The following CFHR5 variants were observed in gnomAD, a reference collection of about 807,000 sequenced individuals.
The protein encoded by CFHR5 is complement factor H-related protein 5.
A neutral mutation model predicts 62.9 loss-of-function variants in CFHR5; 73 were observed. The ratio of observed to expected loss-of-function variants is 1.16; its 90% CI spans 0.96 to 1.41. CFHR5 has a LOEUF of 1.41. CFHR5 is among the 40% of genes most tolerant of loss of function. The pLI, the probability that CFHR5 is intolerant of heterozygous loss-of-function variation, is 0.00. For missense variants in CFHR5, 779 were observed against 679.9 expected (o/e 1.15, Z -1.62); for synonymous variants, 249 against 227.2 (o/e 1.10, Z -0.86).
upstream of CFHR5, among the ~76,000 whole-genome samples, chr1:196,976,292 A>G (rs1653392563): frequency 6.6e-6 from 1 of 152,152 alleles, no homozygotes; most frequent in South Asian, 2.1e-4. Context: ...TCCCCATTAA[A>G]TGTTAAATTT....
rs1474351420 is a variant in CFHR5, at chr1:196,983,073, T to A, written c.247T>A (p.Cys83Ser). Reference protein sequence around the residue: ...TEEGWSPTPKCLRMCSFPFVK... With the variant: ...TEEGWSPTPKSLRMCSFPFVK... Reference sequence around the variant, plus strand: ...AGAAGGATGGTCACCAACACCGAAGTGTCTCAGTGAGTAAATGCCCTGTTC... The same window carrying A: ...AGAAGGATGGTCACCAACACCGAAGAGTCTCAGTGAGTAAATGCCCTGTTC... The change falls in exon 2 of 10, where the codon TGT (cysteine) becomes AGT (serine). Residue 83 changes from cysteine to serine, a missense_variant. Coordinates refer to ENST00000256785, the MANE Select transcript of CFHR5 (RefSeq NM_030787.4). 1.9e-6 allele frequency: 3 copies of A among 1,614,028 alleles called. No individual in the cohort carries two copies. Among genetic ancestry groups the A allele is most frequent in the Non-Finnish European group, 2.5e-6 (3 of 1,179,986 alleles).
Position 196,989,107 on chromosome 1 carries a change from T to C in CFHR5, c.430+4970T>C, listed in dbSNP as rs867773702. On this transcript the variant is annotated intron_variant, in intron 3 of 9. Transcript: ENST00000256785. ...CTTGGTTTAGTCTTGGGAGGATGTA[T>C]GTGTCGAGGAATTTATCCATTTCTT... Among the ~76,000 whole-genome samples, 10 of 152,304 alleles carry C rather than the reference T, an allele frequency of 6.6e-5. No individual in the cohort carries two copies. In the South Asian group the frequency reaches 2.1e-3, roughly 32 times the overall value.
Position 196,977,658 on chromosome 1 carries a change from A to G in CFHR5, c.-7A>G. On this transcript the variant is annotated 5_prime_UTR_variant, in exon 1 of 10. Transcript: ENST00000256785. The stretch of plus-strand genomic sequence containing the variant: ...TTTTTAGTTATATACGATTGAGACT[A>G]CCAAGCATGTTGCTCTTATTCAGTG... 1 of 1,609,850 alleles carries G rather than the reference A, an allele frequency of 6.2e-7. No individual in the cohort carries two copies. Among genetic ancestry groups the G allele is most frequent in the Non-Finnish European group, 8.5e-7 (1 of 1,176,314 alleles).
intron 3 of CFHR5, among the ~76,000 whole-genome samples, chr1:196,984,432 C>G (rs536167889): frequency 6.6e-6 from 1 of 152,172 alleles, no homozygotes; most frequent in African/African-American, 2.4e-5. Flanking sequence ...TAAATGGTTA[C>G]AAAACTGAGG....
intron 7 of CFHR5, 89 bp from the exon 8 acceptor site, chr1:197,002,393 G>A: frequency 1.1e-6 from 1 of 886,380 alleles, no homozygotes. Context: ...GTGTGTCATT[G>A]AATCTTCCAT....
chr1:196,976,782 A>T (rs6692162), upstream of CFHR5, among the ~76,000 whole-genome samples: 26,540 of 146,602 alleles, frequency 0.18, 4,165 homozygotes, highest in African/African-American at 0.44. Context: ...AGGAAACGTT[A>T]CTTGGCAAAA....
chr1:196,986,297 C>A (rs193292573), intron 3 of CFHR5, among the ~76,000 whole-genome samples: 148 of 152,122 alleles, frequency 9.7e-4, no homozygotes, highest in Non-Finnish European at 1.6e-3. Context: ...ATTCCATTTA[C>A]AACACCATGC....
chr1:196,999,722 T>C (rs12736087), intron 7 of CFHR5, among the ~76,000 whole-genome samples: 79,110 of 116,654 alleles, frequency 0.68, 27,040 homozygotes, highest in Middle Eastern at 0.82. Context: ...TATATATATA[T>C]ACACACACAC....
At chr1:196,987,165 T>C (rs1653707605) in intron 3 of CFHR5, among the ~76,000 whole-genome samples, 1 of 152,236 alleles carries the variant, frequency 6.6e-6, no homozygotes, top group African/African-American at 2.4e-5. Flanking sequence ...AATAAATGTC[T>C]TCTTTTAAGA....
Position 196,998,265 on chromosome 1 carries a change from T to G in CFHR5, c.1108T>G (p.Cys370Gly). The change falls in exon 7 of 10, where the codon TGT becomes GGT. Residue 370 changes from cysteine (C) to glycine (G), a missense_variant. Cys to Gly is a radical substitution (Grantham distance 159). Transcript: ENST00000256785. ...SDIFRYRHSV[C>G]INGKWNPEVD... The stretch of plus-strand genomic sequence containing the variant: ...CATCTTCAGATACAGGCACTCAGTC[T>G]GTATAAACGGGAAATGGAATCCTGA... 1 of 1,611,488 alleles carries G rather than the reference T, an allele frequency of 6.2e-7. No individual in the cohort carries two copies. Among genetic ancestry groups the G allele is most frequent in the Non-Finnish European group, 8.5e-7 (1 of 1,178,574 alleles).
At chr1:196,994,708 G>T (rs1382370114) in intron 4 of CFHR5, among the ~76,000 whole-genome samples, 1 of 152,140 alleles carries the variant, frequency 6.6e-6, no homozygotes, top group Non-Finnish European at 1.5e-5. Context: ...ATTATTTGAA[G>T]TATGTATTAG....
At chr1:197,004,526 C>T in intron 8 of CFHR5, 135 bp from the exon 9 acceptor site, 4 of 739,866 alleles carry the variant, frequency 5.4e-6, no homozygotes, top group Non-Finnish European at 9.2e-6. Flanking sequence ...TTGAATCAGA[C>T]TTTATGACAG....
intron 3 of CFHR5, among the ~76,000 whole-genome samples, chr1:196,992,278 TGA>T (rs1355025702): frequency 5.9e-5 from 9 of 152,138 alleles, no homozygotes; most frequent in Admixed American, 4.6e-4. Flanking sequence ...TATTTGTGTG[TGA>T]GTGTCCCGAT....
intron 1 of CFHR5, 60 bp from the exon 2 acceptor site, chr1:196,982,825 C>T: frequency 6.9e-7 from 1 of 1,457,170 alleles, no homozygotes; most frequent in Non-Finnish European, 9.6e-7. Flanking sequence ...AAAATATAAT[C>T]TAGTGATTCA....
chr1:197,007,003 AT>A (rs1262838858), intron 9 of CFHR5, among the ~76,000 whole-genome samples: 3 of 151,608 alleles, frequency 2.0e-5, no homozygotes, highest in Admixed American at 2.0e-4. Flanking sequence ...TGCCCGGCTA[AT>A]TTTTGTATTC....
chr1:197,007,199 T>A (rs1247057914), intron 9 of CFHR5, among the ~76,000 whole-genome samples: 1 of 151,472 alleles, frequency 6.6e-6, no homozygotes, highest in East Asian at 2.0e-4. Flanking sequence ...CGAGAAAACA[T>A]GCAATATGGG....
At chr1:196,978,787 C>A (rs1342937725) in intron 1 of CFHR5, among the ~76,000 whole-genome samples, 3 of 152,110 alleles carry the variant, frequency 2.0e-5, no homozygotes, top group Non-Finnish European at 4.4e-5. Context: ...GTGGCTTAAA[C>A]ATCTGTTACA....
chr1:196,983,802 A>AT (rs1427331010), intron 2 of CFHR5, among the ~76,000 whole-genome samples, 159 bp from the exon 3 acceptor site: 1 of 152,206 alleles, frequency 6.6e-6, no homozygotes, highest in Non-Finnish European at 1.5e-5. Context: ...AGGAACAAAA[A>AT]ATATATTTCA....
intron 3 of CFHR5, among the ~76,000 whole-genome samples, chr1:196,985,207 C>T (rs1005246988): frequency 2.0e-5 from 3 of 151,850 alleles, no homozygotes; most frequent in African/African-American, 4.8e-5. Flanking sequence ...TAATTTAAAC[C>T]TCTAGAGCCA....
Sources: gnomAD v4.1 joint callset for allele counts (sites outside exome capture counted in the v4.1 genomes callset) on GRCh38, gnomAD v4.1.1 for gene constraint, MANE v1.5 for transcripts, NCBI Gene and HGNC (gene_info 2026-07-23, HGNC 2026-07-21) for gene names.